CPT1A: variants seen among roughly 807,000 people sequenced by gnomAD.
CPT1A encodes carnitine O-palmitoyltransferase 1, liver isoform.
In CPT1A, 64 loss-of-function variants were observed where a neutral mutation model predicts 100.8. The observed-to-expected ratio is 0.63, with a 90% CI of 0.52 to 0.78. CPT1A has a LOEUF of 0.78. CPT1A is among the 30% of genes least tolerant of loss of function. The pLI, the probability that CPT1A is intolerant of heterozygous loss-of-function variation, is 0.00. For synonymous variants in CPT1A, 363 were observed against 396.0 expected (o/e 0.92, Z 0.99); for missense variants, 802 against 1,034.1 (o/e 0.78, Z 3.08).
At chr11:68,818,278 G>T (rs1045636473) in intron 1 of CPT1A, among the ~76,000 whole-genome samples, 20 of 152,192 alleles carry the variant, frequency 1.3e-4, no homozygotes, top group Non-Finnish European at 7.3e-5. Flanking sequence ...CACCCACTCA[G>T]TGAAGCCAGG....
intron 14 of CPT1A, among the ~76,000 whole-genome samples, chr11:68,768,534 A>T (rs917215442): frequency 6.6e-5 from 10 of 151,718 alleles, no homozygotes; most frequent in African/African-American, 2.2e-4. Flanking sequence ...TCAGCCTCTC[A>T]AGTAGCTGGG....
chr11:68,808,031 G>A (rs1041260388), intron 3 of CPT1A, among the ~76,000 whole-genome samples: 1 of 152,204 alleles, frequency 6.6e-6, no homozygotes, highest in Non-Finnish European at 1.5e-5. Flanking sequence ...GTGAGGCCAG[G>A]ACCTGGCCAC....
intron 1 of CPT1A, among the ~76,000 whole-genome samples, chr11:68,831,056 A>G (rs937723386): frequency 1.3e-5 from 2 of 152,306 alleles, no homozygotes; most frequent in Admixed American, 1.3e-4. Flanking sequence ...CATTTTAACA[A>G]CTTTGCTCAA....
chr11:68,843,551 G>T (rs183337606), upstream of CPT1A, among the ~76,000 whole-genome samples: 16 of 152,210 alleles, frequency 1.1e-4, no homozygotes, highest in Non-Finnish European at 2.4e-4. This position sits in a 1 kb window ranked among gnomAD's most constrained non-coding sequence, Gnocchi z 4.0. Context: ...ACCCGCGCGT[G>T]CAAGCGGGGC....
At chr11:68,782,655 T>G (rs11228350) in intron 10 of CPT1A, among the ~76,000 whole-genome samples, 12,423 of 152,174 alleles carry the variant, frequency 0.082, 627 homozygotes, top group Non-Finnish European at 0.11. Flanking sequence ...TGCTCCCGGG[T>G]CCCTCTCACT....
intron 13 of CPT1A, chr11:68,773,753 C>T (rs1194706381): frequency 5.8e-6 from 2 of 345,416 alleles, no homozygotes; most frequent in Non-Finnish European, 1.1e-5. Context: ...AATAATAGGT[C>T]ACAGCCGGTG....
In CPT1A at chr11:68,770,839, G is replaced by A. The variant is rs529580417; in HGVS notation, c.1740+2426C>T. On this transcript the variant is annotated intron_variant, in intron 14 of 18. Transcript: ENST00000265641. ...GCTGGTCTGTGCTTCCTTTTTCTGC[G>A]TTTAGCTGCAGCACAGTGATGAGAG... Among the ~76,000 whole-genome samples, 9 of 152,234 alleles carry A rather than the reference G, an allele frequency of 5.9e-5. 1 individual carries two copies. The highest frequency in any genetic ancestry group is 4.1e-4 in the South Asian group (2 of 4,826).
chr11:68,811,368 A>C (rs1025902922), intron 3 of CPT1A, among the ~76,000 whole-genome samples: 1 of 152,224 alleles, frequency 6.6e-6, no homozygotes, highest in Admixed American at 6.5e-5. Context: ...ACGGGGCAGC[A>C]GGGACACTTC....
chr11:68,838,587 A>AAAAAAAAAAAAAAAC (rs1394327209), intron 1 of CPT1A, among the ~76,000 whole-genome samples: 2 of 144,496 alleles, frequency 1.4e-5, no homozygotes, highest in East Asian at 2.0e-4. Flanking sequence ...AAAAAAAAAA[A>AAAAAAAAAAAAAAAC]AAAACAGAGA....
At chr11:68,760,411 G>A (rs531528531) in intron 16 of CPT1A, 73 bp from the exon 17 acceptor site, 304 of 1,186,776 alleles carry the variant, frequency 2.6e-4, no homozygotes, top group Non-Finnish European at 3.3e-4. Flanking sequence ...TTGGGAAGAC[G>A]AGAAAAGCCT....
At chr11:68,826,572 A>G (rs577207740) in intron 1 of CPT1A, among the ~76,000 whole-genome samples, 170 of 151,160 alleles carry the variant, frequency 1.1e-3, no homozygotes, top group Non-Finnish European at 2.1e-3. Flanking sequence ...ATCTCTACTA[A>G]AAATACAAAA....
At chr11:68,767,047 G>A (rs1030299184) in intron 14 of CPT1A, among the ~76,000 whole-genome samples, 5 of 152,172 alleles carry the variant, frequency 3.3e-5, no homozygotes, top group Non-Finnish European at 5.9e-5. Context: ...GGGCATGGCC[G>A]TGCCCAGAAC....
At chr11:68,814,529 C>T (rs914989099) in intron 2 of CPT1A, among the ~76,000 whole-genome samples, 9 of 152,054 alleles carry the variant, frequency 5.9e-5, no homozygotes, top group African/African-American at 1.2e-4. Context: ...AGGATGGTCT[C>T]GATCTCCTGA....
intron 9 of CPT1A, chr11:68,786,138 G>A (rs1855457397): frequency 1.4e-6 from 1 of 691,910 alleles, no homozygotes; most frequent in Non-Finnish European, 2.6e-6. Context: ...AAGGAGGGAG[G>A]ATTGCTTGAG....
chr11:68,795,790 A>G (rs1162236547), intron 7 of CPT1A, among the ~76,000 whole-genome samples: 1 of 151,830 alleles, frequency 6.6e-6, no homozygotes, highest in East Asian at 1.9e-4. Flanking sequence ...GGTGCCTGTA[A>G]TCCCAGCTAC....
chr11:68,834,973 C>G (rs1163531531), intron 1 of CPT1A, among the ~76,000 whole-genome samples: 1 of 144,656 alleles, frequency 6.9e-6, no homozygotes, highest in Admixed American at 7.1e-5. Context: ...CACTCCAGCC[C>G]GGGCGATAGG....
intron 13 of CPT1A, 115 bp downstream of exon 13, chr11:68,775,201 G>T: frequency 1.2e-6 from 1 of 855,208 alleles, no homozygotes; most frequent in Non-Finnish European, 2.0e-6. Context: ...AGCCTCAGTG[G>T]TCTTCAACTG....
Position 68,807,545 on chromosome 11 carries a change from G to T in CPT1A, c.375C>A (p.Ser125=), listed in dbSNP as rs1371418678. The change falls in exon 4 of 19, where the codon TCC becomes TCA. Residue 125 remains serine, a synonymous_variant. Coordinates refer to ENST00000265641, the MANE Select transcript of CPT1A (RefSeq NM_001876.4). ...WVALIVTMRY[S]LKVLLSYHGW... is the part of the protein sequence containing the mutation. ...CGTGGTAGGAGAGCAGCACTTTCAG[G>T]GAGTAGCGCATGGTGACGATGAGGG... 1.2e-6 allele frequency: 2 copies of T among 1,614,044 alleles called. No homozygotes were observed. Among genetic ancestry groups the T allele is most frequent in the African/African-American group, 2.7e-5 (2 of 74,920 alleles).
intron 1 of CPT1A, among the ~76,000 whole-genome samples, chr11:68,828,931 G>C (rs192510983): frequency 1.6e-4 from 24 of 152,236 alleles, no homozygotes; most frequent in Non-Finnish European, 2.4e-4. Flanking sequence ...GAACTAGTAG[G>C]TGGCTCCCCC....
Sources: allele counts gnomAD v4.1 joint callset (sites outside exome capture counted in the v4.1 genomes callset), GRCh38; gene constraint gnomAD v4.1.1; non-coding constraint Gnocchi (gnomAD v3.1); transcripts MANE v1.5; gene names NCBI Gene and HGNC (gene_info 2026-07-23, HGNC 2026-07-21).